DAB1: variants seen among roughly 807,000 people sequenced by gnomAD.
The protein encoded by DAB1 is disabled homolog 1.
In DAB1, 15 loss-of-function variants were observed where a neutral mutation model predicts 64.6. The observed-to-expected ratio is 0.23, with a 90% CI of 0.16 to 0.36. DAB1 has a LOEUF of 0.36. Among genes scored for constraint, DAB1 ranks in the 10% least tolerant of loss-of-function variants. The pLI, the probability that DAB1 is intolerant of heterozygous loss-of-function variation, is 1.00. For missense variants in DAB1, 596 were observed against 706.7 expected, an observed-to-expected ratio of 0.84 and a Z score of 1.78; for synonymous variants, 235 against 251.9, an observed-to-expected ratio of 0.93 and a Z score of 0.64.
At chr1:57,639,325 AAAAGAACTTTAGT>A (rs1343138420) in intron 7 of DAB1, among the ~76,000 whole-genome samples, 1 of 149,798 alleles carries the variant, frequency 6.7e-6, no homozygotes, top group South Asian at 2.1e-4. Flanking sequence ...GTTCTTTATA[AAAAGAACTTTAGT>A]AAATAACTTT....
intron 7 of DAB1, among the ~76,000 whole-genome samples, chr1:57,535,641 T>C (rs1429377811): frequency 1.3e-5 from 2 of 152,078 alleles, no homozygotes; most frequent in Admixed American, 6.6e-5. Context: ...TTTTGTATTT[T>C]AGTAGAGACA....
chr1:58,197,642 C>A (rs551020715), intron 4 of DAB1, among the ~76,000 whole-genome samples: 1 of 151,672 alleles, frequency 6.6e-6, no homozygotes, highest in Non-Finnish European at 1.5e-5. Context: ...GATTCGCCCA[C>A]CTCAGCCTCC....
intron 6 of DAB1, among the ~76,000 whole-genome samples, chr1:57,666,860 G>GAT (rs1646453809): frequency 2.0e-5 from 3 of 150,000 alleles, no homozygotes; most frequent in South Asian, 4.3e-4. Context: ...GAGGGAGAGG[G>GAT]AGAGGGAGAG....
chr1:57,794,256 T>C (rs1175502321), intron 6 of DAB1, among the ~76,000 whole-genome samples: 1 of 152,134 alleles, frequency 6.6e-6, no homozygotes, highest in East Asian at 1.9e-4. Context: ...CAGAACAGCC[T>C]AGGAAAATAG....
intron 1 of DAB1, among the ~76,000 whole-genome samples, chr1:57,378,393 G>A (rs567181621): frequency 6.6e-6 from 1 of 152,298 alleles, no homozygotes; most frequent in South Asian, 2.1e-4. Flanking sequence ...AGGTTTTAGG[G>A]TTGACGAGCT....
At chr1:58,208,262 G>C (rs1176803944) in intron 4 of DAB1, among the ~76,000 whole-genome samples, 1 of 152,112 alleles carries the variant, frequency 6.6e-6, no homozygotes, top group Non-Finnish European at 1.5e-5. Context: ...CTACATTTTA[G>C]AGTTAAAACT....
At chr1:57,766,064 C>A (rs1043768626) in intron 6 of DAB1, among the ~76,000 whole-genome samples, 1 of 152,104 alleles carries the variant, frequency 6.6e-6, no homozygotes, top group Non-Finnish European at 1.5e-5. Context: ...ATCTCAGCCA[C>A]TTTTATGGCT....
At chr1:57,390,982 G>A (rs1297991800) in intron 1 of DAB1, among the ~76,000 whole-genome samples, 1 of 152,132 alleles carries the variant, frequency 6.6e-6, no homozygotes. Flanking sequence ...CCCACAAATA[G>A]TTTAAGTTCT....
At chr1:57,953,312 C>A (rs574607349) in intron 5 of DAB1, among the ~76,000 whole-genome samples, 1 of 152,256 alleles carries the variant, frequency 6.6e-6, no homozygotes, top group South Asian at 2.1e-4. Flanking sequence ...TCGTGGTGAA[C>A]TGGAAACTAC....
intron 7 of DAB1, among the ~76,000 whole-genome samples, chr1:57,557,005 T>C (rs932897287): frequency 1.3e-5 from 2 of 152,152 alleles, no homozygotes; most frequent in African/African-American, 4.8e-5. Context: ...GTTTGTTGAA[T>C]AGGGTGCCCT....
intron 9 of DAB1, among the ~76,000 whole-genome samples, chr1:57,044,081 G>A (rs1271500043): frequency 6.6e-6 from 1 of 152,134 alleles, no homozygotes; most frequent in Non-Finnish European, 1.5e-5. Flanking sequence ...CATCTGATTG[G>A]TTCCTTCTCC....
At position 57,015,031 on chromosome 1, in the gene DAB1, G is replaced by A; in HGVS notation, c.1296C>T (p.Asp432=). The A allele has an allele frequency of 6.2e-7, 1 of 1,613,996 alleles. No individual in the cohort carries two copies. Among genetic ancestry groups the A allele is most frequent in the Non-Finnish European group, 8.5e-7 (1 of 1,179,878 alleles). ...CTGAGGTACAGGTGAGGGAGGGCTGGTCGGGTTTGCGGGAGGGCACGGGCG... is the reference window on the plus strand; with the variant it reads ...CTGAGGTACAGGTGAGGGAGGGCTGATCGGGTTTGCGGGAGGGCACGGGCG... ...QPPPVPSRKP[D]QPSLTCTSEA... is the part of the protein sequence containing the mutation. Residue 432 remains aspartate (D), a synonymous_variant, in exon 12 of 15, where the codon GAC becomes GAT. Transcript: ENST00000371236.
chr1:58,447,194 AG>A (rs1569805758), intron 3 of DAB1, among the ~76,000 whole-genome samples: 2 of 152,344 alleles, frequency 1.3e-5, no homozygotes, highest in East Asian at 1.9e-4. Flanking sequence ...AATCAAAGAA[AG>A]GGTTTGCTTG....
At chr1:57,472,431 A>G (rs1424637318) in intron 7 of DAB1, among the ~76,000 whole-genome samples, 1 of 152,232 alleles carries the variant, frequency 6.6e-6, no homozygotes, top group Non-Finnish European at 1.5e-5. Flanking sequence ...TAAAAACTAA[A>G]AGGCAGAAAT....
rs1337764093 is a variant in DAB1, at chr1:57,558,507, GA to G, written n.625+91084del. Among the ~76,000 whole-genome samples, 9 of 152,268 alleles carry G rather than the reference GA, an allele frequency of 5.9e-5. No individual in the cohort carries two copies. The East Asian group carries it at 1.2e-3, about 20-fold the overall frequency. On this transcript the variant is annotated intron_variant and non_coding_transcript_variant, in intron 7 of 20. Coordinates refer to the DAB1 transcript ENST00000485760. The stretch of plus-strand genomic sequence containing the variant: ...TCTAATTCATATAAACAGAAATCTG[GA>G]AAATAGTCATGGGAATGGATACTGC...
Position 57,415,246 on chromosome 1 carries a change from A to AACACACACAC in DAB1, c.-137+8674_-137+8683dup, listed in dbSNP as rs111517848. On this transcript the variant is annotated intron_variant, in intron 1 of 14. Coordinates refer to ENST00000371236, the MANE Select transcript of DAB1 (RefSeq NM_001365792.1). ...ATTAGAATAAATGCCTACCTCACAC[A>AACACACACAC]ACACACACACACACACACACACACA... Among the ~76,000 whole-genome samples, 264 of 143,326 alleles carry AACACACACAC rather than the reference A, an allele frequency of 1.8e-3. 2 individuals are homozygous for AACACACACAC. Among genetic ancestry groups the AACACACACAC allele is most frequent in the African/African-American group, 5.8e-3 (225 of 38,942 alleles). The allele number at this position is 143,326 out of a possible 152,430, so 94.0% of individuals were successfully genotyped here. A position where few individuals can be genotyped will look rare whatever the true frequency, so the allele number is the denominator to read the frequency against.
At chr1:58,353,157 C>CT (rs1644075115) in intron 3 of DAB1, among the ~76,000 whole-genome samples, 1 of 151,936 alleles carries the variant, frequency 6.6e-6, no homozygotes, top group African/African-American at 2.4e-5. Flanking sequence ...ATCATAAACT[C>CT]TGTGTTTTGA....
intron 1 of DAB1, among the ~76,000 whole-genome samples, chr1:57,312,524 C>T (rs754938863): frequency 7.2e-5 from 11 of 152,164 alleles, no homozygotes; most frequent in Non-Finnish European, 1.3e-4. Flanking sequence ...AAATCTCTTC[C>T]TAATGATAAA....
At chr1:57,589,578 GA>G (rs1454390975) in intron 7 of DAB1, among the ~76,000 whole-genome samples, 1 of 152,010 alleles carries the variant, frequency 6.6e-6, no homozygotes, top group East Asian at 1.9e-4. Context: ...CCAACATGGA[GA>G]AACACCATCT....
Sources: gnomAD v4.1 joint callset for allele counts (sites outside exome capture counted in the v4.1 genomes callset) on GRCh38, gnomAD v4.1.1 for gene constraint, MANE v1.5 for transcripts, NCBI Gene and HGNC (gene_info 2026-07-23, HGNC 2026-07-21) for gene names.